SLC39A11: variants seen among roughly 807,000 people sequenced by gnomAD.
SLC39A11 encodes the protein solute carrier family 39 member 11.
Under a neutral mutation model 36.1 loss-of-function variants are expected in SLC39A11, and 33 were observed. The observed-to-expected ratio is 0.91, with a 90% CI of 0.69 to 1.22. The LOEUF (loss-of-function observed/expected upper bound fraction) is 1.22, where lower values mean the gene tolerates loss of function less well. Among genes scored for constraint, SLC39A11 ranks in the 50% most tolerant of loss-of-function variants. The pLI is 0.00. For synonymous variants in SLC39A11, 166 were observed against 170.3 expected (o/e 0.97, Z 0.20); for missense variants, 432 against 430.3 (o/e 1.00, Z -0.03).
Position 73,068,020 on chromosome 17 carries a change from C to CT in SLC39A11, c.147+16787dup. 29 of 1,592,058 alleles carry CT rather than the reference C, an allele frequency of 1.8e-5. No individual in the cohort carries two copies. The South Asian group carries it at 3.2e-4, about 18-fold the overall frequency. ...GTTCTGAGGCCACAAGTTTAAGAAACTTTTTGATGAAGTCAATGAGTCCTT... is the reference window on the plus strand; with the variant it reads ...GTTCTGAGGCCACAAGTTTAAGAAACTTTTTTGATGAAGTCAATGAGTCCTT... On this transcript the variant is annotated intron_variant, in intron 3 of 9. Coordinates refer to ENST00000255559, the MANE Select transcript of SLC39A11 (RefSeq NM_139177.4).
intron 5 of SLC39A11, among the ~76,000 whole-genome samples, chr17:72,875,502 T>C (rs998715505): frequency 6.6e-6 from 1 of 152,166 alleles, no homozygotes; most frequent in African/African-American, 2.4e-5. Flanking sequence ...CAGAGTTTTA[T>C]GGAAAAGCTA....
intron 7 of SLC39A11, among the ~76,000 whole-genome samples, chr17:72,720,112 G>A (rs901811789): frequency 2.0e-5 from 3 of 152,166 alleles, no homozygotes; most frequent in Non-Finnish European, 4.4e-5. Flanking sequence ...CCCGTGCAGA[G>A]CATAAAAGAG....
intron 6 of SLC39A11, among the ~76,000 whole-genome samples, chr17:72,762,069 G>A (rs1334425865): frequency 6.6e-6 from 1 of 152,226 alleles, no homozygotes; most frequent in Non-Finnish European, 1.5e-5. Context: ...GAGTCTGGAT[G>A]TGCTGCTGTC....
intron 3 of SLC39A11, among the ~76,000 whole-genome samples, chr17:73,052,040 G>A (rs991285996): frequency 9.9e-5 from 15 of 151,924 alleles, no homozygotes; most frequent in African/African-American, 3.6e-4. Flanking sequence ...TCCATCAAGT[G>A]GTCGTGAAGA....
intron 5 of SLC39A11, among the ~76,000 whole-genome samples, chr17:72,855,454 T>C (rs1181859442): frequency 6.6e-6 from 1 of 152,170 alleles, no homozygotes; most frequent in Non-Finnish European, 1.5e-5. Flanking sequence ...TTAGCACAAA[T>C]GGCAAATCGT....
intron 6 of SLC39A11, among the ~76,000 whole-genome samples, chr17:72,802,416 C>T (rs1179085262): frequency 6.6e-6 from 1 of 151,708 alleles, no homozygotes; most frequent in South Asian, 2.1e-4. Context: ...GTGGTGAAAA[C>T]CCGTCTCTAC....
At chr17:72,822,831 C>T (rs1386336389) in intron 6 of SLC39A11, among the ~76,000 whole-genome samples, 1 of 151,134 alleles carries the variant, frequency 6.6e-6, no homozygotes, top group Non-Finnish European at 1.5e-5. Flanking sequence ...CCTCTCATCT[C>T]AGCCTCCCAA....
At chr17:72,958,680 G>C (rs943692416) in intron 4 of SLC39A11, among the ~76,000 whole-genome samples, 1 of 151,804 alleles carries the variant, frequency 6.6e-6, no homozygotes, top group Non-Finnish European at 1.5e-5. Flanking sequence ...GCGAAACCCC[G>C]TCTCTACTAA....
intron 7 of SLC39A11, among the ~76,000 whole-genome samples, chr17:72,713,935 A>G (rs1357882095): frequency 6.6e-6 from 1 of 152,174 alleles, no homozygotes; most frequent in Non-Finnish European, 1.5e-5. Flanking sequence ...GAGAAGTGAA[A>G]TGACATTTCA....
chr17:72,882,331 A>C (rs2146567597), intron 5 of SLC39A11, among the ~76,000 whole-genome samples: 1 of 149,306 alleles, frequency 6.7e-6, no homozygotes, highest in Admixed American at 6.7e-5. Context: ...ACTCCAGCCT[A>C]GATATCAGAA....
chr17:72,661,691 G>C (rs139717148), intron 7 of SLC39A11, among the ~76,000 whole-genome samples: 1 of 152,172 alleles, frequency 6.6e-6, no homozygotes, highest in African/African-American at 2.4e-5. Context: ...AGGGCTGCCC[G>C]GCCCTACCTG....
At chr17:72,952,501 T>C (rs1004857514) in intron 4 of SLC39A11, among the ~76,000 whole-genome samples, 1 of 152,198 alleles carries the variant, frequency 6.6e-6, no homozygotes, top group African/African-American at 2.4e-5. Context: ...GAGCCCCATC[T>C]GCTCACTGGG....
intron 7 of SLC39A11, among the ~76,000 whole-genome samples, chr17:72,678,711 G>C (rs533921195): frequency 6.6e-6 from 1 of 152,070 alleles, no homozygotes; most frequent in East Asian, 1.9e-4. Context: ...GAAACTCCAA[G>C]AGCATGCCTC....
At chr17:73,052,104 C>T (rs998532269) in intron 3 of SLC39A11, among the ~76,000 whole-genome samples, 23 of 151,774 alleles carry the variant, frequency 1.5e-4, no homozygotes, top group African/African-American at 5.3e-4. Context: ...ATTTCTAATA[C>T]AAGGTGCCCC....
chr17:72,882,283 G>C (rs1036949058), intron 5 of SLC39A11, among the ~76,000 whole-genome samples: 1 of 150,308 alleles, frequency 6.7e-6, no homozygotes, highest in African/African-American at 2.5e-5. Flanking sequence ...TTGAACCCAA[G>C]AGGTGGAGGT....
At chr17:72,750,942 C>T (rs563867514) in intron 6 of SLC39A11, among the ~76,000 whole-genome samples, 2 of 152,234 alleles carry the variant, frequency 1.3e-5, no homozygotes, top group Admixed American at 6.5e-5. Context: ...GGCATTATGG[C>T]TTAGCTCAAA....
intron 5 of SLC39A11, among the ~76,000 whole-genome samples, chr17:72,945,817 C>A (rs73996058): frequency 0.07 from 10,587 of 152,238 alleles, 1,150 homozygotes; most frequent in African/African-American, 0.24. Context: ...TCCCCTGACC[C>A]CGTCCCGGCT....
At chr17:73,001,304 G>A (rs961037427) in intron 4 of SLC39A11, among the ~76,000 whole-genome samples, 2 of 150,236 alleles carry the variant, frequency 1.3e-5, no homozygotes, top group Non-Finnish European at 3.0e-5. Flanking sequence ...TCAAATAACT[G>A]ATATGCTTTC....
intron 5 of SLC39A11, among the ~76,000 whole-genome samples, chr17:72,887,936 T>C (rs1396934928): frequency 6.6e-6 from 1 of 152,244 alleles, no homozygotes; most frequent in African/African-American, 2.4e-5. Flanking sequence ...TCTCAATTGT[T>C]TTCAATGAGA....
Sources: allele counts gnomAD v4.1 joint callset (sites outside exome capture counted in the v4.1 genomes callset), GRCh38; gene constraint gnomAD v4.1.1; transcripts MANE v1.5; gene names NCBI Gene and HGNC (gene_info 2026-07-23, HGNC 2026-07-21).